The following KIAA1328 variants were observed in gnomAD, a reference collection of about 807,000 sequenced individuals.
The protein encoded by KIAA1328 is KIAA1328.
A neutral mutation model predicts 68.1 loss-of-function variants in KIAA1328; 52 were observed. That is an observed-to-expected ratio of 0.76 (90% CI 0.61 to 0.96). KIAA1328 has a LOEUF of 0.96. KIAA1328 is among the 40% of genes least tolerant of loss of function. The pLI is 0.00. For synonymous variants in KIAA1328, 232 were observed against 239.4 expected (o/e 0.97, Z 0.28); for missense variants, 641 against 677.6 (o/e 0.95, Z 0.60).
intron 7 of KIAA1328, among the ~76,000 whole-genome samples, chr18:37,150,255 A>C (rs1001303419): frequency 1.3e-5 from 2 of 152,152 alleles, no homozygotes; most frequent in Non-Finnish European, 2.9e-5. Context: ...GGTACTATTG[A>C]TGTTTCAATG....
chr18:37,082,327 A>G (rs1282900269), intron 7 of KIAA1328, among the ~76,000 whole-genome samples: 1 of 151,880 alleles, frequency 6.6e-6, no homozygotes, highest in African/African-American at 2.4e-5. Context: ...ACCTGCCACC[A>G]CGCACAGCTA....
intron 9 of KIAA1328, among the ~76,000 whole-genome samples, chr18:37,212,641 A>T (rs2060339284): frequency 1.3e-5 from 2 of 152,214 alleles, no homozygotes; most frequent in Admixed American, 1.3e-4. Context: ...TATGTGATAA[A>T]ATAATAATAC....
intron 1 of KIAA1328, among the ~76,000 whole-genome samples, chr18:36,831,196 A>G (rs950089372): frequency 1.6e-4 from 25 of 152,244 alleles, no homozygotes; most frequent in Non-Finnish European, 8.8e-5. Flanking sequence ...TATTGAAAAA[A>G]GATTTTCAAT....
chr18:36,986,132 A>G (rs2052913405), intron 6 of KIAA1328, among the ~76,000 whole-genome samples: 1 of 152,088 alleles, frequency 6.6e-6, no homozygotes, highest in African/African-American at 2.4e-5. Flanking sequence ...AAGTGAAAGC[A>G]TATAGTTACA....
chr18:36,925,430 C>T (rs1286920673), intron 5 of KIAA1328, among the ~76,000 whole-genome samples: 1 of 152,164 alleles, frequency 6.6e-6, no homozygotes, highest in Non-Finnish European at 1.5e-5. Context: ...ATCTAGAATA[C>T]ACTAAACAAA....
intron 1 of KIAA1328, 63 bp downstream of exon 1, chr18:36,829,259 G>C: frequency 6.9e-7 from 1 of 1,456,158 alleles, no homozygotes. Context: ...GGGGCGAGCC[G>C]TCGCGTGGCA....
At chr18:36,914,957 T>C (rs536880065) in intron 5 of KIAA1328, among the ~76,000 whole-genome samples, 1 of 152,288 alleles carries the variant, frequency 6.6e-6, no homozygotes, top group East Asian at 1.9e-4. Context: ...TTCAACATAG[T>C]GAAGATGTTA....
At chr18:37,135,714 T>C (rs1475760295) in intron 7 of KIAA1328, among the ~76,000 whole-genome samples, 1 of 152,226 alleles carries the variant, frequency 6.6e-6, no homozygotes, top group Non-Finnish European at 1.5e-5. Context: ...TTTTTTGTTC[T>C]GTTGCAATTG....
chr18:37,135,674 G>C (rs1015601067), intron 7 of KIAA1328, among the ~76,000 whole-genome samples: 2 of 152,146 alleles, frequency 1.3e-5, no homozygotes, highest in African/African-American at 2.4e-5. Flanking sequence ...TTGCTGTGCA[G>C]GAGCTCTTTA....
intron 5 of KIAA1328, among the ~76,000 whole-genome samples, chr18:36,886,679 C>T (rs939626412): frequency 6.6e-6 from 1 of 152,120 alleles, no homozygotes; most frequent in Non-Finnish European, 1.5e-5. Context: ...AGAGAAGTCC[C>T]TAAAGTTAGA....
At chr18:36,939,183 G>A (rs1450160755) in intron 5 of KIAA1328, among the ~76,000 whole-genome samples, 5 of 152,062 alleles carry the variant, frequency 3.3e-5, no homozygotes, top group Admixed American at 3.3e-4. Flanking sequence ...ATCACTTTGG[G>A]TAGTATGAAC....
At chr18:36,842,679 T>A (rs574314195) in intron 3 of KIAA1328, among the ~76,000 whole-genome samples, 26 of 152,214 alleles carry the variant, frequency 1.7e-4, no homozygotes, top group East Asian at 1.5e-3. Flanking sequence ...TATTTATTTT[T>A]TTTTTTTTGC....
rs144075078 is a variant in KIAA1328 at position 36,925,289 on chromosome 18, G to A, written c.449-34019G>A. On this transcript the variant is annotated intron_variant, in intron 5 of 9. Coordinates refer to ENST00000280020, the MANE Select transcript of KIAA1328 (RefSeq NM_020776.3). ...TAATGGCAGAATACTACGGATTCTG[G>A]AGGACCCACTGGAATTATATGAACA... is the stretch of plus-strand genomic sequence containing the variant. 3.4e-3 allele frequency among the ~76,000 whole-genome samples: 523 copies of A among 152,186 alleles called. 1 individual carries two copies. The highest frequency in any genetic ancestry group is 7.5e-3 in the South Asian group (36 of 4,824).
At chr18:37,120,342 G>A (rs1236540244) in intron 7 of KIAA1328, among the ~76,000 whole-genome samples, 1 of 152,034 alleles carries the variant, frequency 6.6e-6, no homozygotes, top group African/African-American at 2.4e-5. Flanking sequence ...AGTAATGTCA[G>A]GTGTTTTGTC....
chr18:37,170,897 G>A (rs1187433963), intron 8 of KIAA1328, among the ~76,000 whole-genome samples: 1 of 152,102 alleles, frequency 6.6e-6, no homozygotes, highest in African/African-American at 2.4e-5. Flanking sequence ...GAGATAGAGA[G>A]GGGGCTAGGA....
intron 7 of KIAA1328, among the ~76,000 whole-genome samples, chr18:37,148,770 T>A (rs1336212297): frequency 1.3e-5 from 2 of 152,230 alleles, no homozygotes; most frequent in African/African-American, 4.8e-5. Context: ...TGTCTTCTTT[T>A]GAGAAGTGTG....
intron 5 of KIAA1328, among the ~76,000 whole-genome samples, chr18:36,918,904 A>AGAG: frequency 6.6e-6 from 1 of 152,072 alleles, no homozygotes; most frequent in African/African-American, 2.4e-5. Flanking sequence ...TGTTATTAAC[A>AGAG]TTTCTTTGTG....
intron 6 of KIAA1328, among the ~76,000 whole-genome samples, chr18:37,010,118 A>G (rs2053921509): frequency 6.6e-6 from 1 of 152,152 alleles, no homozygotes; most frequent in Admixed American, 6.6e-5. Context: ...TTGCTGGGCT[A>G]CAGTAATAAA....
At chr18:37,117,958 C>A (rs891715168) in intron 7 of KIAA1328, among the ~76,000 whole-genome samples, 1 of 150,182 alleles carries the variant, frequency 6.7e-6, no homozygotes, top group African/African-American at 2.4e-5. Flanking sequence ...TAGTCCCCAT[C>A]TCTGCAACTG....
Sources: gnomAD v4.1 joint callset for allele counts (sites outside exome capture counted in the v4.1 genomes callset) on GRCh38, gnomAD v4.1.1 for gene constraint, MANE v1.5 for transcripts, NCBI Gene and HGNC (gene_info 2026-07-23, HGNC 2026-07-21) for gene names.